The following TRMT9B variants were observed in gnomAD, a reference collection of about 807,000 sequenced individuals.
The protein encoded by TRMT9B is probable tRNA methyltransferase 9B.
Under a neutral mutation model 11.5 loss-of-function variants are expected in TRMT9B, and 16 were observed. The ratio of observed to expected loss-of-function variants is 1.39; its 90% CI spans 0.94 to 2.11. TRMT9B has a LOEUF of 2.11. Ranked by LOEUF, TRMT9B falls within the 30% of genes most tolerant of loss-of-function variation. The pLI is 0.00. For missense variants in TRMT9B, 941 were observed against 553.8 expected, an observed-to-expected ratio of 1.70 and a Z score of -7.02; for synonymous variants, 274 against 192.4, an observed-to-expected ratio of 1.42 and a Z score of -3.51.
intron 4 of TRMT9B, among the ~76,000 whole-genome samples, chr8:13,017,356 C>T (rs141805509): frequency 3.3e-5 from 5 of 152,116 alleles, no homozygotes; most frequent in African/African-American, 1.2e-4. Context: ...ATTCAACCTA[C>T]CTACTGTCTG....
chr8:12,991,938 A>T (rs1807414254), intron 2 of TRMT9B, among the ~76,000 whole-genome samples: 1 of 152,158 alleles, frequency 6.6e-6, no homozygotes, highest in African/African-American at 2.4e-5. Flanking sequence ...TCTCAAAAAC[A>T]ACAACAACAA....
chr8:13,012,944 G>C, intron 4 of TRMT9B, 87 bp downstream of exon 4: 1 of 1,384,424 alleles, frequency 7.2e-7, no homozygotes, highest in South Asian at 1.8e-5. Flanking sequence ...CATCCGTTCT[G>C]TGTAGAAATG....
At chr8:12,946,534 G>A (rs888073843) in intron 1 of TRMT9B, among the ~76,000 whole-genome samples, 3 of 152,164 alleles carry the variant, frequency 2.0e-5, no homozygotes, top group Non-Finnish European at 4.4e-5. Context: ...GGAGGGCGAA[G>A]GACCTCAGGT....
intron 2 of TRMT9B, among the ~76,000 whole-genome samples, chr8:13,003,218 A>G (rs145550184): frequency 2.6e-5 from 4 of 152,324 alleles, no homozygotes; most frequent in Non-Finnish European, 5.9e-5. Context: ...GCTGATAGCC[A>G]TCAGTAGGGC....
intron 2 of TRMT9B, among the ~76,000 whole-genome samples, chr8:13,003,385 C>T (rs1445431140): frequency 1.3e-5 from 2 of 152,164 alleles, no homozygotes; most frequent in African/African-American, 2.4e-5. Flanking sequence ...TGCTCTTGTG[C>T]TTTTCTTACT....
intron 3 of TRMT9B, chr8:13,010,858 G>C (rs979793027): frequency 1.0e-6 from 1 of 979,760 alleles, no homozygotes; most frequent in Non-Finnish European, 1.2e-6. Context: ...CCCCATGATT[G>C]CCTTCAAACA....
chr8:13,005,990 C>T (rs751831402), intron 2 of TRMT9B, among the ~76,000 whole-genome samples: 1 of 152,210 alleles, frequency 6.6e-6, no homozygotes, highest in African/African-American at 2.4e-5. Flanking sequence ...TTTTCCTTAA[C>T]ATGGCAGGTA....
chr8:12,994,001 G>A (rs1030066281), intron 2 of TRMT9B, among the ~76,000 whole-genome samples: 3 of 152,282 alleles, frequency 2.0e-5, no homozygotes, highest in African/African-American at 7.2e-5. Context: ...CAGCAGTTCT[G>A]CTCCAACCTC....
At chr8:12,951,424 G>C (rs942164032) in intron 1 of TRMT9B, 3 of 152,382 alleles carry the variant, frequency 2.0e-5, no homozygotes, top group African/African-American at 7.2e-5. Flanking sequence ...TGCTCCCGCC[G>C]GGGCGTCTTC....
chr8:12,976,363 C>G (rs953886505), intron 1 of TRMT9B, among the ~76,000 whole-genome samples: 1 of 99,890 alleles, frequency 1.0e-5, no homozygotes, highest in Non-Finnish European at 2.2e-5. Context: ...ATTGTTTATG[C>G]TTTACTTTTT....
chr8:12,964,292 C>G (rs1202724085), intron 1 of TRMT9B, among the ~76,000 whole-genome samples: 2 of 152,180 alleles, frequency 1.3e-5, no homozygotes, highest in African/African-American at 2.4e-5. Flanking sequence ...CCTCATCTTT[C>G]TTGGCAATAA....
At chr8:13,000,203 C>G (rs1006348712) in intron 2 of TRMT9B, among the ~76,000 whole-genome samples, 1 of 152,150 alleles carries the variant, frequency 6.6e-6, no homozygotes, top group African/African-American at 2.4e-5. Context: ...TAATCCTGAT[C>G]TTTTCAGATG....
chr8:12,947,284 G>A (rs1229136762), intron 1 of TRMT9B, among the ~76,000 whole-genome samples: 1 of 152,208 alleles, frequency 6.6e-6, no homozygotes, highest in Non-Finnish European at 1.5e-5. Context: ...GCAATCTGAA[G>A]TTAAGCTCAC....
intron 1 of TRMT9B, among the ~76,000 whole-genome samples, chr8:12,986,182 G>A (rs184421879): frequency 1.3e-5 from 2 of 152,204 alleles, no homozygotes; most frequent in South Asian, 2.1e-4. Context: ...TTTAAATGAA[G>A]TTCTCCTGAG....
At chr8:12,964,599 G>T (rs889051209) in intron 1 of TRMT9B, among the ~76,000 whole-genome samples, 1 of 152,062 alleles carries the variant, frequency 6.6e-6, no homozygotes, top group Non-Finnish European at 1.5e-5. Flanking sequence ...TTTTGAGACG[G>T]GGTCTCTCTC....
chr8:12,977,148 G>T (rs1804584829), intron 1 of TRMT9B, among the ~76,000 whole-genome samples: 1 of 152,226 alleles, frequency 6.6e-6, no homozygotes, highest in African/African-American at 2.4e-5. Context: ...CTCCAGGTTG[G>T]AAGGTGACCC....
At chr8:13,010,152 A>AT (rs1423546193) in intron 3 of TRMT9B, 1 of 685,924 alleles carries the variant, frequency 1.5e-6, no homozygotes, top group African/African-American at 2.0e-5. Context: ...AAAAAAAAAA[A>AT]GTCTCACAAA....
intron 1 of TRMT9B, among the ~76,000 whole-genome samples, chr8:12,953,124 T>G (rs1315043916): frequency 6.6e-6 from 1 of 152,230 alleles, no homozygotes; most frequent in East Asian, 1.9e-4. Flanking sequence ...GCTGTAAACG[T>G]CTACTTGCAG....
intron 1 of TRMT9B, among the ~76,000 whole-genome samples, chr8:12,976,986 A>G (rs753779291): frequency 3.3e-5 from 5 of 152,168 alleles, no homozygotes; most frequent in Non-Finnish European, 7.4e-5. Context: ...CATGCCCCAG[A>G]TGGAGGCCTG....
Sources: allele counts gnomAD v4.1 joint callset (sites outside exome capture counted in the v4.1 genomes callset), GRCh38; gene constraint gnomAD v4.1.1; transcripts MANE v1.5; gene names NCBI Gene and HGNC (gene_info 2026-07-23, HGNC 2026-07-21).